Variants in RBM47 observed in about 807,000 individuals in gnomAD.
The protein encoded by RBM47 is RNA binding motif protein 47, also known as RNA-binding protein 47.
A neutral mutation model predicts 47.1 loss-of-function variants in RBM47; 21 were observed. The ratio of observed to expected loss-of-function variants is 0.45; its 90% CI spans 0.32 to 0.64. RBM47 has a LOEUF of 0.64. Ranked by LOEUF, RBM47 falls within the 30% of genes least tolerant of loss-of-function variation. The pLI is 0.05. For missense variants in RBM47, 708 were observed against 870.9 expected, an observed-to-expected ratio of 0.81 and a Z score of 2.35; for synonymous variants, 375 against 361.7, an observed-to-expected ratio of 1.04 and a Z score of -0.42.
At chr4:40,623,749 C>T (rs187203187) in intron 1 of RBM47, among the ~76,000 whole-genome samples, 8 of 152,206 alleles carry the variant, frequency 5.3e-5, no homozygotes, top group South Asian at 4.1e-4. Flanking sequence ...TTTCTAATTA[C>T]GAAAAAATGC....
At chr4:40,585,909 T>A (rs1396631958) in intron 1 of RBM47, among the ~76,000 whole-genome samples, 2 of 152,048 alleles carry the variant, frequency 1.3e-5, no homozygotes, top group Non-Finnish European at 2.9e-5. Flanking sequence ...CAGAGCAGAG[T>A]GGGCATTCTG....
At position 40,456,571 on chromosome 4, in the gene RBM47, C is replaced by CTTTTTTTTTTTTTTTTTTTTTTTTTTT. The variant is rs34320480; in HGVS notation, c.-32+10005_-32+10006insAAAAAAAAAAAAAAAAAAAAAAAAAAA. Among the ~76,000 whole-genome samples, 6 of 112,570 alleles carry CTTTTTTTTTTTTTTTTTTTTTTTTTTT rather than the reference C, an allele frequency of 5.3e-5. 1 individual carries two copies. Among genetic ancestry groups the CTTTTTTTTTTTTTTTTTTTTTTTTTTT allele is most frequent in the Non-Finnish European group, 5.1e-5 (3 of 59,338 alleles). 73.9% of individuals were successfully genotyped at this position (112,570 alleles called of 152,430 possible). On this transcript the variant is annotated intron_variant, in intron 3 of 6. Coordinates refer to ENST00000295971, the MANE Select transcript of RBM47 (RefSeq NM_001098634.2). The stretch of plus-strand genomic sequence containing the variant: ...CTTTTTTTTTTTTCTTTTCTTTTTT[C>CTTTTTTTTTTTTTTTTTTTTTTTTTTT]TTTTTTTTTTTTTTTTGAGACAAGG...
At chr4:40,546,398 C>A (rs1246733289) in intron 1 of RBM47, among the ~76,000 whole-genome samples, 1 of 152,104 alleles carries the variant, frequency 6.6e-6, no homozygotes, top group Non-Finnish European at 1.5e-5. Context: ...GATCCACCCG[C>A]CTCAGCCTCC....
At chr4:40,585,011 C>A (rs944215934) in intron 1 of RBM47, among the ~76,000 whole-genome samples, 1 of 152,202 alleles carries the variant, frequency 6.6e-6, no homozygotes, top group African/African-American at 2.4e-5. Flanking sequence ...GTTGCACAAC[C>A]TGTGGCTGAA....
intron 2 of RBM47, among the ~76,000 whole-genome samples, chr4:40,533,388 C>A (rs559560192): frequency 1.0e-3 from 150 of 149,736 alleles, no homozygotes; most frequent in African/African-American, 3.6e-3. Flanking sequence ...GAGCTGAGAC[C>A]GCACCACTGC....
chr4:40,468,736 G>GA (rs781369898), intron 2 of RBM47, among the ~76,000 whole-genome samples: 3 of 151,866 alleles, frequency 2.0e-5, no homozygotes, highest in Non-Finnish European at 4.4e-5. Flanking sequence ...TCTCCTGAAA[G>GA]AAAAAAAGCC....
intron 5 of RBM47, 50 bp downstream of exon 5, chr4:40,436,391 G>A (rs1414580538): frequency 6.5e-7 from 1 of 1,549,014 alleles, no homozygotes; most frequent in Non-Finnish European, 8.9e-7. Context: ...CAAACAGAAG[G>A]GCTGGGGTTT....
chr4:40,555,268 A>G (rs1577950114), intron 1 of RBM47, among the ~76,000 whole-genome samples: 1 of 152,172 alleles, frequency 6.6e-6, no homozygotes, highest in Non-Finnish European at 1.5e-5. Flanking sequence ...GGATTTTGCC[A>G]TGTTGCCCAG....
intron 2 of RBM47, among the ~76,000 whole-genome samples, chr4:40,515,103 G>A (rs1725415665): frequency 6.6e-6 from 1 of 152,158 alleles, no homozygotes; most frequent in Non-Finnish European, 1.5e-5. Flanking sequence ...TATCCTTCAA[G>A]TTATTCACAG....
At chr4:40,604,227 G>A (rs1735542339) in intron 1 of RBM47, among the ~76,000 whole-genome samples, 1 of 152,168 alleles carries the variant, frequency 6.6e-6, no homozygotes, top group Non-Finnish European at 1.5e-5. Flanking sequence ...AAGTTCTGGA[G>A]GGATCCAGAA....
Position 40,564,950 on chromosome 4 carries a change from C to T in RBM47, c.-239-20444G>A, listed in dbSNP as rs187554862. On this transcript the variant is annotated intron_variant, in intron 1 of 6. Coordinates refer to ENST00000295971, the MANE Select transcript of RBM47 (RefSeq NM_001098634.2). ...AGCTTCTGAGCAAGGGCCCCAGAGG[C>T]TGAAGGCCTAGAAGGAGGGCTCTCT... 3.1e-3 allele frequency among the ~76,000 whole-genome samples: 479 copies of T among 152,314 alleles called. 4 individuals carry two copies. Among genetic ancestry groups the T allele is most frequent in the Admixed American group, 7.1e-3 (109 of 15,300 alleles).
chr4:40,445,833 G>T (rs1714456420), intron 3 of RBM47, among the ~76,000 whole-genome samples: 1 of 152,148 alleles, frequency 6.6e-6, no homozygotes, highest in Non-Finnish European at 1.5e-5. Flanking sequence ...ATTCTTGCTT[G>T]GGGCAGAAGT....
At chr4:40,439,521 A>T (rs1005423458) in intron 3 of RBM47, among the ~76,000 whole-genome samples, 7 of 152,320 alleles carry the variant, frequency 4.6e-5, no homozygotes, top group Admixed American at 4.6e-4. Context: ...AACTGTAATA[A>T]GAGCTAATCT....
At chr4:40,586,075 C>A (rs894815663) in intron 1 of RBM47, among the ~76,000 whole-genome samples, 1 of 152,194 alleles carries the variant, frequency 6.6e-6, no homozygotes, top group Non-Finnish European at 1.5e-5. Flanking sequence ...CGCCATGGGG[C>A]AGAAATCCAT....
intron 2 of RBM47, among the ~76,000 whole-genome samples, chr4:40,511,899 C>G (rs1425098141): frequency 6.8e-6 from 1 of 147,916 alleles, no homozygotes; most frequent in Non-Finnish European, 1.5e-5. Flanking sequence ...TGTGCCACTG[C>G]ACTCCAGCCT....
At position 40,434,002 on chromosome 4, in the gene RBM47, G is replaced by GGTGTGTGTGT. The variant is rs1166329290; in HGVS notation, c.1331-1150_1331-1141dup. Among the ~76,000 whole-genome samples the GGTGTGTGTGT allele has an allele frequency of 1.3e-4, 6 of 45,710 alleles. 3 individuals carry two copies. Among genetic ancestry groups the GGTGTGTGTGT allele is most frequent in the African/African-American group, 3.1e-4 (6 of 19,142 alleles). 30.0% of individuals were successfully genotyped at this position (45,710 alleles called of 152,430 possible). On this transcript the variant is annotated intron_variant, in intron 5 of 6. Transcript: ENST00000295971. ...TGTGAGTGTGTGTGTGTGGGGCGGG[G>GGTGTGTGTGT]GTGTGTGTGTGTGTGTGTGTGTGTG...
At position 40,439,061 on chromosome 4, in the gene RBM47, C is replaced by T. The variant is rs1713223847; in HGVS notation, c.-31-137G>A. ...GTTTAAATGAGAAATAGGATGGAGG[C>T]GTTCTGGAAATGCAGCAGCCCTACA... On this transcript the variant is annotated intron_variant, in intron 3 of 6. Coordinates refer to ENST00000295971, the MANE Select transcript of RBM47 (RefSeq NM_001098634.2). 4.1e-6 allele frequency: 3 copies of T among 735,410 alleles called. No homozygotes were observed. In the Admixed American group the frequency reaches 9.2e-5, roughly 22 times the overall value. 45.6% of individuals were successfully genotyped at this position (735,410 alleles called of 1,614,324 possible). A position where few individuals can be genotyped will look rare whatever the true frequency, so the allele number is the denominator to read the frequency against.
At position 40,628,700 on chromosome 4, in the gene RBM47, T is replaced by C. The variant is rs1165560276; in HGVS notation, c.-240+696A>G. Among the ~76,000 whole-genome samples the C allele has an allele frequency of 2.0e-5, 3 of 152,216 alleles. No individual in the cohort carries two copies. The highest frequency in any genetic ancestry group is 6.5e-5 in the Admixed American group (1 of 15,288). On this transcript the variant is annotated intron_variant, in intron 1 of 6. Transcript: ENST00000295971. This position sits in a 1 kb window ranked among gnomAD's most constrained non-coding sequence, Gnocchi z 4.0. ...TTTGATTTTTAGTTCAGGTCGGTAA[T>C]GGCCTGTAAGTACCTTGAAGATGGT...
chr4:40,548,166 G>A (rs1187902072), intron 1 of RBM47, among the ~76,000 whole-genome samples: 1 of 152,214 alleles, frequency 6.6e-6, no homozygotes, highest in Admixed American at 6.5e-5. Context: ...TGTCAATCAG[G>A]GAACATGTGA....
Sources: allele counts gnomAD v4.1 joint callset (sites outside exome capture counted in the v4.1 genomes callset), GRCh38; gene constraint gnomAD v4.1.1; non-coding constraint Gnocchi (gnomAD v3.1); transcripts MANE v1.5; gene names NCBI Gene and HGNC (gene_info 2026-07-23, HGNC 2026-07-21).